EZH2: variants seen among roughly 807,000 people sequenced by gnomAD.
EZH2 encodes the protein histone-lysine N-methyltransferase EZH2.
Under a neutral mutation model 98.4 loss-of-function variants are expected in EZH2, and 18 were observed. The ratio of observed to expected loss-of-function variants is 0.18; its 90% CI spans 0.13 to 0.27. The LOEUF is 0.27. Among genes scored for constraint, EZH2 ranks in the 10% least tolerant of loss-of-function variants. The pLI is 1.00. For missense variants in EZH2, 470 were observed against 935.1 expected, an observed-to-expected ratio of 0.50 and a Z score of 6.49; for synonymous variants, 338 against 312.3, an observed-to-expected ratio of 1.08 and a Z score of -0.87.
intron 1 of EZH2, among the ~76,000 whole-genome samples, chr7:148,864,172 G>A (rs1368615779): frequency 6.6e-6 from 1 of 152,176 alleles, no homozygotes; most frequent in Non-Finnish European, 1.5e-5. Flanking sequence ...TTCCACAACA[G>A]TAAGATCACT....
chr7:148,845,401 C>T (rs1397916799), intron 3 of EZH2, among the ~76,000 whole-genome samples: 1 of 152,160 alleles, frequency 6.6e-6, no homozygotes, highest in Non-Finnish European at 1.5e-5. Flanking sequence ...AATATTTATA[C>T]AATTATAAGT....
intron 6 of EZH2, 30 bp from the exon 7 acceptor site, chr7:148,827,296 G>C (rs1267824956): frequency 3.3e-6 from 5 of 1,534,978 alleles, no homozygotes; most frequent in Admixed American, 1.8e-5. Context: ...AGGAAAAAAA[G>C]AATGGAAGTA....
intron 1 of EZH2, among the ~76,000 whole-genome samples, chr7:148,864,132 A>C (rs1818097282): frequency 6.6e-6 from 1 of 152,242 alleles, no homozygotes; most frequent in Non-Finnish European, 1.5e-5. Flanking sequence ...CCGTTGCAGC[A>C]AAAGTGAGTA....
chr7:148,807,765 C>CTT, intron 19 of EZH2, 59 bp from the exon 20 acceptor site: 1 of 1,085,934 alleles, frequency 9.2e-7, no homozygotes. Context: ...TGTGCTGAGA[C>CTT]TTAACACAAC....
intron 1 of EZH2, among the ~76,000 whole-genome samples, 151 bp from the exon 2 acceptor site, chr7:148,847,456 T>C (rs562310279): frequency 1.3e-5 from 2 of 152,366 alleles, no homozygotes; most frequent in South Asian, 2.1e-4. Context: ...TTGTGCTGCA[T>C]GGTTAAATCC....
At chr7:148,855,584 G>A (rs771433841) in intron 1 of EZH2, among the ~76,000 whole-genome samples, 2 of 152,090 alleles carry the variant, frequency 1.3e-5, no homozygotes, top group Non-Finnish European at 2.9e-5. Flanking sequence ...CAGATGGTAA[G>A]CACTATATCA....
At chr7:148,867,856 C>T (rs1040415398) in intron 1 of EZH2, among the ~76,000 whole-genome samples, 8 of 152,152 alleles carry the variant, frequency 5.3e-5, no homozygotes, top group Admixed American at 2.6e-4. Flanking sequence ...AAATTTCTTC[C>T]GCCAGATACC....
chr7:148,823,612 C>T (rs1193070268), intron 8 of EZH2, among the ~76,000 whole-genome samples: 1 of 149,728 alleles, frequency 6.7e-6, no homozygotes, highest in Admixed American at 6.7e-5. Flanking sequence ...GGATGGGGAA[C>T]AGAAAGTCAT....
intron 1 of EZH2, among the ~76,000 whole-genome samples, chr7:148,854,146 C>T (rs1201604155): frequency 2.6e-5 from 4 of 152,174 alleles, no homozygotes; most frequent in Non-Finnish European, 5.9e-5. Context: ...GCCCTTATTG[C>T]TTCTTTAAAA....
intron 1 of EZH2, chr7:148,883,618 G>A (rs1462509697): frequency 6.8e-6 from 1 of 146,736 alleles, no homozygotes; most frequent in East Asian, 2.2e-4. Flanking sequence ...GCCTCCCCAC[G>A]CCCCTCTCCC....
chr7:148,850,451 T>C (rs1202784695), intron 1 of EZH2: 5 of 968,098 alleles, frequency 5.2e-6, no homozygotes, highest in African/African-American at 3.5e-5. Context: ...ATTAATAACA[T>C]ACCTAATAAA....
Position 148,815,558 on chromosome 7 carries a change from C to A in EZH2, c.1506-12G>T. On this transcript the variant is annotated splice_polypyrimidine_tract_variant and intron_variant, in intron 12 of 19. Transcript: ENST00000320356. ...GTGCAGCCCACAACCTGCAAAAACACAAAGAAAATTAAACCAAATTTCTGC... is the reference window on the plus strand; with the variant it reads ...GTGCAGCCCACAACCTGCAAAAACAAAAAGAAAATTAAACCAAATTTCTGC... The A allele has an allele frequency of 1.2e-6, 2 of 1,613,986 alleles. No homozygotes were observed. Among genetic ancestry groups the A allele is most frequent in the Non-Finnish European group, 1.7e-6 (2 of 1,179,844 alleles).
At chr7:148,860,344 AAG>A (rs1817485268) in intron 1 of EZH2, among the ~76,000 whole-genome samples, 1 of 152,094 alleles carries the variant, frequency 6.6e-6, no homozygotes, top group Admixed American at 6.5e-5. Flanking sequence ...AAAAAAAAAA[AAG>A]ATTTTTAATT....
intron 1 of EZH2, among the ~76,000 whole-genome samples, chr7:148,849,483 T>C (rs991666120): frequency 3.9e-5 from 6 of 152,072 alleles, no homozygotes; most frequent in Admixed American, 3.3e-4. Context: ...GGAATTTGAG[T>C]GTATTTGACA....
chr7:148,838,063 CT>C (rs35838307), intron 3 of EZH2, among the ~76,000 whole-genome samples: 37 of 100,526 alleles, frequency 3.7e-4, no homozygotes, highest in South Asian at 7.2e-4. Flanking sequence ...GTTTAGACTC[CT>C]TTTTTTTTTT....
At chr7:148,835,953 C>G (rs1322200383) in intron 3 of EZH2, among the ~76,000 whole-genome samples, 1 of 152,200 alleles carries the variant, frequency 6.6e-6, no homozygotes, top group Non-Finnish European at 1.5e-5. Flanking sequence ...TATGGAAGCA[C>G]AGAAAATATT....
At chr7:148,854,999 G>A (rs1206395764) in intron 1 of EZH2, among the ~76,000 whole-genome samples, 12 of 152,198 alleles carry the variant, frequency 7.9e-5, no homozygotes, top group Non-Finnish European at 1.6e-4. Flanking sequence ...TATGCCTGAG[G>A]GGGAATATAG....
chr7:148,809,779 T>C (rs1014007752), intron 17 of EZH2, among the ~76,000 whole-genome samples: 3 of 152,246 alleles, frequency 2.0e-5, no homozygotes, highest in African/African-American at 7.2e-5. Context: ...AAAAACCTAT[T>C]CTACTTGTTC....
chr7:148,846,956 A>T (rs149866470), intron 2 of EZH2, among the ~76,000 whole-genome samples: 58 of 151,708 alleles, frequency 3.8e-4, no homozygotes, highest in African/African-American at 1.4e-3. Context: ...TTAGGGAGGC[A>T]TTTCTGCAGC....
Sources: allele counts gnomAD v4.1 joint callset (sites outside exome capture counted in the v4.1 genomes callset), GRCh38; gene constraint gnomAD v4.1.1; transcripts MANE v1.5; gene names NCBI Gene and HGNC (gene_info 2026-07-23, HGNC 2026-07-21).